SKAP2: variants seen among roughly 807,000 people sequenced by gnomAD.
SKAP2 encodes the protein src kinase-associated phosphoprotein 2.
SKAP2 carries 28 observed loss-of-function variants against 54.9 expected under a neutral mutation model. The observed-to-expected ratio is 0.51, with a 90% CI of 0.38 to 0.70. SKAP2 has a LOEUF of 0.70. Ranked by LOEUF, SKAP2 falls within the 30% of genes least tolerant of loss-of-function variation. SKAP2 has a pLI of 0.00. For synonymous variants in SKAP2, 137 were observed against 134.3 expected, an observed-to-expected ratio of 1.02 and a Z score of -0.14; for missense variants, 356 against 424.1, an observed-to-expected ratio of 0.84 and a Z score of 1.41.
At chr7:26,662,783 AAC>A (rs1422048525), downstream of SKAP2, among the ~76,000 whole-genome samples, 1 of 152,146 alleles carries the variant, frequency 6.6e-6, no homozygotes, top group African/African-American at 2.4e-5. Flanking sequence ...TAACAGGATA[AAC>A]ACACAGTTAC....
At chr7:26,691,872 G>A (rs981943617) in intron 9 of SKAP2, among the ~76,000 whole-genome samples, 1 of 152,176 alleles carries the variant, frequency 6.6e-6, no homozygotes, top group South Asian at 2.1e-4. Flanking sequence ...GAAGAGCTGG[G>A]TAGGAGTTAC....
chr7:26,659,905 T>C, the SKAP2 span, among the ~76,000 whole-genome samples: 1 of 152,098 alleles, frequency 6.6e-6, no homozygotes, highest in Non-Finnish European at 1.5e-5. Flanking sequence ...TAATACCTAA[T>C]GTGTAAATGG....
At chr7:26,794,462 A>G (rs1200400625) in intron 4 of SKAP2, among the ~76,000 whole-genome samples, 2 of 152,258 alleles carry the variant, frequency 1.3e-5, no homozygotes, top group Non-Finnish European at 2.9e-5. Flanking sequence ...CCCATGGAAC[A>G]TGGATTGAGG....
chr7:26,675,704 G>T (rs1473633177), intron 11 of SKAP2, among the ~76,000 whole-genome samples: 1 of 152,164 alleles, frequency 6.6e-6, no homozygotes, highest in Non-Finnish European at 1.5e-5. Context: ...TGTATATTAG[G>T]CATAGTTAAA....
At chr7:26,785,272 C>T (rs1202470750) in intron 4 of SKAP2, among the ~76,000 whole-genome samples, 2 of 152,014 alleles carry the variant, frequency 1.3e-5, no homozygotes, top group African/African-American at 4.8e-5. Flanking sequence ...CTGCAAGCTC[C>T]ACCTCCTGGG....
At chr7:26,706,778 G>T (rs542197440) in intron 9 of SKAP2, among the ~76,000 whole-genome samples, 2 of 152,272 alleles carry the variant, frequency 1.3e-5, no homozygotes, top group South Asian at 4.1e-4. Flanking sequence ...TCAGCTGATT[G>T]AAATGCCAGC....
intron 1 of SKAP2, chr7:26,857,321 A>AAAAAAAAAAAAAAAC: frequency 4.2e-6 from 1 of 240,960 alleles, no homozygotes; most frequent in Non-Finnish European, 6.6e-6. Context: ...AAAAAAAAAA[A>AAAAAAAAAAAAAAAC]AAAAAAAAAA....
chr7:26,836,217 C>T (rs1031413681), intron 4 of SKAP2, among the ~76,000 whole-genome samples: 4 of 152,040 alleles, frequency 2.6e-5, no homozygotes, highest in African/African-American at 9.7e-5. Flanking sequence ...GCCTTAAATG[C>T]AAGACATAAA....
intron 4 of SKAP2, among the ~76,000 whole-genome samples, chr7:26,768,459 A>T (rs1287098594): frequency 6.6e-6 from 1 of 152,106 alleles, no homozygotes; most frequent in Non-Finnish European, 1.5e-5. Context: ...GCCCATTTAC[A>T]TTTAAGGTTA....
At chr7:26,837,909 C>G (rs906321757) in intron 4 of SKAP2, among the ~76,000 whole-genome samples, 2 of 152,150 alleles carry the variant, frequency 1.3e-5, no homozygotes, top group Non-Finnish European at 2.9e-5. Context: ...CTTTTAAGAG[C>G]AGAGCATAAT....
intron 4 of SKAP2, among the ~76,000 whole-genome samples, chr7:26,745,725 G>A (rs1443368851): frequency 6.6e-6 from 1 of 152,090 alleles, no homozygotes; most frequent in African/African-American, 2.4e-5. Context: ...ATGTTGCCCA[G>A]GCTGATCTCA....
At chr7:26,845,477 TA>T (rs1262931192) in intron 3 of SKAP2, among the ~76,000 whole-genome samples, 1 of 152,242 alleles carries the variant, frequency 6.6e-6, no homozygotes, top group Admixed American at 6.5e-5. Flanking sequence ...GGGATTCTAC[TA>T]CTAGGTACAG....
intron 4 of SKAP2, among the ~76,000 whole-genome samples, chr7:26,832,683 T>C (rs562189131): frequency 1.6e-4 from 24 of 152,186 alleles, no homozygotes; most frequent in African/African-American, 5.5e-4. Context: ...TTAATAAAAC[T>C]GGTAATCAAG....
intron 11 of SKAP2, among the ~76,000 whole-genome samples, chr7:26,678,387 A>C (rs527701857): frequency 2.9e-4 from 44 of 152,290 alleles, no homozygotes; most frequent in African/African-American, 1.0e-3. Flanking sequence ...TCTTCTCCCA[A>C]AGAGAACAAG....
chr7:26,739,887 CT>C lies in SKAP2; in HGVS notation c.384del (p.Asp129IlefsTer38). On this transcript the variant is annotated frameshift_variant and splice_region_variant, in exon 5 of 13. Coordinates refer to ENST00000345317, the MANE Select transcript of SKAP2 (RefSeq NM_003930.5). LOFTEE classifies it high-confidence loss of function. ...TTTTTCATTAGAACCTTCAGTTTAC[CT>C]TTTCTGCGTTTTTCAAGGTAGCCAG... Reference protein sequence around the residue: ...LKAGYLEKRRKDHSFLGFEWQ... With the variant: ...LKAGYLEKRRXDHSFLGFEWQ... The C allele has an allele frequency of 6.2e-7, 1 of 1,604,780 alleles. No individual in the cohort carries two copies. Among genetic ancestry groups the C allele is most frequent in the Non-Finnish European group, 8.5e-7 (1 of 1,173,788 alleles).
intron 4 of SKAP2, among the ~76,000 whole-genome samples, chr7:26,751,518 T>G (rs1001958924): frequency 6.6e-6 from 1 of 152,172 alleles, no homozygotes; most frequent in Non-Finnish European, 1.5e-5. Flanking sequence ...AGAAGGAAAC[T>G]ATCTAATTTT....
chr7:26,730,638 T>C (rs1482176029), intron 6 of SKAP2, among the ~76,000 whole-genome samples: 3 of 152,176 alleles, frequency 2.0e-5, no homozygotes, highest in Admixed American at 2.0e-4. Flanking sequence ...TAACCTAACC[T>C]CTATCATGCT....
intron 4 of SKAP2, among the ~76,000 whole-genome samples, chr7:26,782,007 G>A (rs1418464883): frequency 6.6e-6 from 1 of 152,180 alleles, no homozygotes; most frequent in Non-Finnish European, 1.5e-5. Context: ...AGAACTTGTA[G>A]ATAATACTGA....
chr7:26,674,744 T>G (rs1786317091), intron 11 of SKAP2, among the ~76,000 whole-genome samples: 1 of 152,346 alleles, frequency 6.6e-6, no homozygotes, highest in African/African-American at 2.4e-5. Context: ...AAAGAATTAC[T>G]GTTTTTCCTC....
Sources: allele counts gnomAD v4.1 joint callset (sites outside exome capture counted in the v4.1 genomes callset), GRCh38; gene constraint gnomAD v4.1.1; transcripts MANE v1.5; gene names NCBI Gene and HGNC (gene_info 2026-07-23, HGNC 2026-07-21).